The following DCAF8 variants were observed in gnomAD, a reference collection of about 807,000 sequenced individuals.
The protein encoded by DCAF8 is DDB1- and CUL4-associated factor 8.
DCAF8 carries 20 observed loss-of-function variants against 68.0 expected under a neutral mutation model. The ratio of observed to expected loss-of-function variants is 0.29; its 90% CI spans 0.21 to 0.43. The LOEUF (loss-of-function observed/expected upper bound fraction) is 0.43, where lower values mean the gene tolerates loss of function less well. Among genes scored for constraint, DCAF8 ranks in the 20% least tolerant of loss-of-function variants. DCAF8 has a pLI of 1.00. For missense variants in DCAF8, 460 were observed against 771.0 expected, an observed-to-expected ratio of 0.60 and a Z score of 4.78; for synonymous variants, 230 against 276.9, an observed-to-expected ratio of 0.83 and a Z score of 1.68.
chr1:160,225,892 G>A (rs907739396), intron 7 of DCAF8, among the ~76,000 whole-genome samples: 2 of 152,122 alleles, frequency 1.3e-5, no homozygotes, highest in Non-Finnish European at 1.5e-5. Context: ...CACCCAGGCT[G>A]TAGTGCAGTG....
intron 2 of DCAF8, among the ~76,000 whole-genome samples, chr1:160,247,466 A>G (rs1382345086): frequency 6.6e-6 from 1 of 152,252 alleles, no homozygotes; most frequent in Non-Finnish European, 1.5e-5. Flanking sequence ...TAAAAGAGAT[A>G]CCAAGTGTCT....
chr1:160,256,572 AG>A (rs1003535697), intron 2 of DCAF8, among the ~76,000 whole-genome samples: 2 of 150,874 alleles, frequency 1.3e-5, no homozygotes, highest in African/African-American at 5.0e-5. Context: ...AGAAAAAGCC[AG>A]GAAGAAAAAA....
chr1:160,257,801 G>A (rs1156645966), intron 2 of DCAF8, among the ~76,000 whole-genome samples: 1 of 152,178 alleles, frequency 6.6e-6, no homozygotes, highest in African/African-American at 2.4e-5. Flanking sequence ...AGTGATCACT[G>A]CGCAATCTCA....
chr1:160,222,329 C>T (rs567552585), intron 11 of DCAF8, among the ~76,000 whole-genome samples: 68 of 152,268 alleles, frequency 4.5e-4, no homozygotes, highest in African/African-American at 1.5e-3. Context: ...TAGGAGGGTA[C>T]GCCCTGAACA....
chr1:160,255,756 A>C (rs1656810824), intron 2 of DCAF8, among the ~76,000 whole-genome samples: 1 of 152,006 alleles, frequency 6.6e-6, no homozygotes, highest in Non-Finnish European at 1.5e-5. Flanking sequence ...AGTAGCTGGG[A>C]CTACAGGTGC....
intron 2 of DCAF8, among the ~76,000 whole-genome samples, chr1:160,253,221 CT>C (rs1418023832): frequency 6.6e-5 from 10 of 152,176 alleles, no homozygotes; most frequent in African/African-American, 2.4e-4. Context: ...TGAGGATAGG[CT>C]GGGCGCAGTG....
intron 2 of DCAF8, among the ~76,000 whole-genome samples, chr1:160,246,029 T>G (rs1407155091): frequency 5.9e-5 from 9 of 151,964 alleles, no homozygotes; most frequent in African/African-American, 2.2e-4. Flanking sequence ...TCCCAGCTAC[T>G]AGGGAGGGTG....
chr1:160,247,142 C>T (rs1036015713), intron 2 of DCAF8, among the ~76,000 whole-genome samples: 42 of 152,248 alleles, frequency 2.8e-4, no homozygotes, highest in Admixed American at 5.9e-4. Context: ...TAGTCCAAAG[C>T]TAATCTTGCT....
chr1:160,238,543 G>T (rs1425375050), intron 5 of DCAF8, 64 bp downstream of exon 5: 1 of 1,496,934 alleles, frequency 6.7e-7, no homozygotes, highest in East Asian at 2.5e-5. Flanking sequence ...AGATAAGGGA[G>T]AACCTTGGCT....
At chr1:160,246,896 C>T (rs906159524) in intron 2 of DCAF8, among the ~76,000 whole-genome samples, 1 of 152,152 alleles carries the variant, frequency 6.6e-6, no homozygotes, top group Non-Finnish European at 1.5e-5. Context: ...GAAGTTGAGG[C>T]TGCAGTGACC....
intron 3 of DCAF8, among the ~76,000 whole-genome samples, chr1:160,243,458 G>A (rs1406945502): frequency 5.4e-5 from 8 of 149,178 alleles, no homozygotes; most frequent in African/African-American, 2.0e-4. Flanking sequence ...TGCCCAGGCT[G>A]GTCTCAAGCT....
At chr1:160,251,951 T>G (rs1656616103) in intron 2 of DCAF8, among the ~76,000 whole-genome samples, 1 of 152,188 alleles carries the variant, frequency 6.6e-6, no homozygotes, top group African/African-American at 2.4e-5. Context: ...GCTGGACAGA[T>G]GAGCAGAAAG....
At chr1:160,229,412 A>C (rs1412057764) in intron 7 of DCAF8, among the ~76,000 whole-genome samples, 1 of 152,204 alleles carries the variant, frequency 6.6e-6, no homozygotes, top group African/African-American at 2.4e-5. Context: ...AAATGCTAAA[A>C]CTCTAAGCCT....
Position 160,219,177 on chromosome 1 carries a change from C to T in DCAF8, c.1441-209G>A, listed in dbSNP as rs111397883. ...TGGGTATAAGACCAGGCACATCAAT[C>T]ATTTCCTATGTATAGGTCGGGGGTG... is the stretch of plus-strand genomic sequence containing the variant. On this transcript the variant is annotated intron_variant, in intron 11 of 13. Transcript: ENST00000368074. 1,531 of 598,412 alleles carry T rather than the reference C, an allele frequency of 2.6e-3. 25 individuals are homozygous for T. The African/African-American group carries it at 0.026, about 10-fold the overall frequency. 37.1% of individuals were successfully genotyped at this position (598,412 alleles called of 1,614,324 possible). A position where few individuals can be genotyped will look rare whatever the true frequency, so the allele number is the denominator to read the frequency against.
intron 5 of DCAF8, among the ~76,000 whole-genome samples, chr1:160,237,996 C>T (rs1034933803): frequency 3.3e-5 from 5 of 152,178 alleles, no homozygotes; most frequent in African/African-American, 9.7e-5. Context: ...GTAATTTTCA[C>T]ATATCCTGGG....
At chr1:160,238,125 G>A (rs150651690) in intron 5 of DCAF8, among the ~76,000 whole-genome samples, 2 of 152,238 alleles carry the variant, frequency 1.3e-5, no homozygotes, top group East Asian at 3.9e-4. Context: ...CTTAAAACTG[G>A]CAGCTCTTAA....
chr1:160,223,137 T>G (rs1655352273), intron 10 of DCAF8, among the ~76,000 whole-genome samples: 1 of 152,250 alleles, frequency 6.6e-6, no homozygotes, highest in South Asian at 2.1e-4. Flanking sequence ...CTTTGATATG[T>G]GGACTTCATT....
At chr1:160,235,892 A>C (rs1655858114) in intron 6 of DCAF8, among the ~76,000 whole-genome samples, 1 of 152,146 alleles carries the variant, frequency 6.6e-6, no homozygotes, top group African/African-American at 2.4e-5. Context: ...GCACATGCCA[A>C]CATGTCCAGC....
chr1:160,233,865 A>T (rs1309819589), intron 6 of DCAF8, among the ~76,000 whole-genome samples: 1 of 152,188 alleles, frequency 6.6e-6, no homozygotes, highest in Non-Finnish European at 1.5e-5. Flanking sequence ...CAGAGGTGCT[A>T]TAAAAATGAT....
Sources: gnomAD v4.1 joint callset for allele counts (sites outside exome capture counted in the v4.1 genomes callset) on GRCh38, gnomAD v4.1.1 for gene constraint, MANE v1.5 for transcripts, NCBI Gene and HGNC (gene_info 2026-07-23, HGNC 2026-07-21) for gene names.